NOS1AP: variants seen among roughly 807,000 people sequenced by gnomAD.
NOS1AP encodes the protein nitric oxide synthase 1 adaptor protein, also known as carboxyl-terminal PDZ ligand of neuronal nitric oxide synthase protein.
Under a neutral mutation model 56.2 loss-of-function variants are expected in NOS1AP, and 21 were observed. The ratio of observed to expected loss-of-function variants is 0.37; its 90% CI spans 0.26 to 0.54. The LOEUF (loss-of-function observed/expected upper bound fraction) is 0.54, where lower values mean the gene tolerates loss of function less well. NOS1AP is among the 20% of genes least tolerant of loss of function. The pLI, the probability that NOS1AP is intolerant of heterozygous loss-of-function variation, is 0.84. For synonymous variants in NOS1AP, 270 were observed against 274.6 expected, an observed-to-expected ratio of 0.98 and a Z score of 0.17; for missense variants, 522 against 657.8, an observed-to-expected ratio of 0.79 and a Z score of 2.26.
intron 1 of NOS1AP, among the ~76,000 whole-genome samples, chr1:162,128,616 G>A (rs1396476477): frequency 6.6e-6 from 1 of 151,978 alleles, no homozygotes; most frequent in Non-Finnish European, 1.5e-5. Flanking sequence ...AAGTGTATTT[G>A]TAATCTTCTT....
intron 2 of NOS1AP, among the ~76,000 whole-genome samples, chr1:162,265,551 C>A (rs1654396300): frequency 2.3e-5 from 1 of 42,874 alleles, no homozygotes; most frequent in African/African-American, 7.4e-5. Flanking sequence ...CTACAAAGGA[C>A]ATGAACTCAT....
intron 5 of NOS1AP, among the ~76,000 whole-genome samples, chr1:162,335,978 A>T (rs572350727): frequency 6.6e-6 from 1 of 152,204 alleles, no homozygotes; most frequent in South Asian, 2.1e-4. Context: ...ACAGATAGCC[A>T]GTGTGGCTCC....
intron 3 of NOS1AP, among the ~76,000 whole-genome samples, chr1:162,287,700 CT>C (rs1375389786): frequency 1.3e-5 from 2 of 152,064 alleles, no homozygotes; most frequent in African/African-American, 2.4e-5. Flanking sequence ...TTCAACCCCC[CT>C]CCCCATTTTC....
chr1:162,235,596 C>A (rs902370034), intron 2 of NOS1AP, among the ~76,000 whole-genome samples: 4 of 152,108 alleles, frequency 2.6e-5, no homozygotes, highest in African/African-American at 7.2e-5. Context: ...ATGGGGAGAT[C>A]AAAGCTTCAG....
chr1:162,302,047 G>C (rs1006979319), intron 4 of NOS1AP, among the ~76,000 whole-genome samples: 2 of 152,224 alleles, frequency 1.3e-5, no homozygotes, highest in African/African-American at 4.8e-5. Flanking sequence ...GTGGGAAATG[G>C]ACAAGTTACT....
At chr1:162,327,066 T>C (rs1223397290) in intron 4 of NOS1AP, among the ~76,000 whole-genome samples, 9 of 152,112 alleles carry the variant, frequency 5.9e-5, no homozygotes, top group Non-Finnish European at 1.3e-4. Context: ...CTGAGAGAAC[T>C]GAAACCCTGA....
intron 8 of NOS1AP, among the ~76,000 whole-genome samples, chr1:162,361,445 G>A (rs1374563961): frequency 1.3e-5 from 2 of 152,168 alleles, no homozygotes; most frequent in African/African-American, 4.8e-5. Context: ...ATAAAATGCT[G>A]CACCTCAAAG....
chr1:162,192,558 CAGAA>C (rs1228368663), intron 2 of NOS1AP, among the ~76,000 whole-genome samples: 1 of 152,190 alleles, frequency 6.6e-6, no homozygotes. Flanking sequence ...TTTACCACCA[CAGAA>C]AGGCTGTTGC....
At chr1:162,332,651 C>T (rs142904649) in intron 4 of NOS1AP, among the ~76,000 whole-genome samples, 22 of 152,262 alleles carry the variant, frequency 1.4e-4, no homozygotes, top group Non-Finnish European at 2.6e-4. Flanking sequence ...CATCAGAAAA[C>T]GTGTATGCAT....
At chr1:162,330,563 A>C (rs1483281938) in intron 4 of NOS1AP, among the ~76,000 whole-genome samples, 1 of 151,920 alleles carries the variant, frequency 6.6e-6, no homozygotes, top group Non-Finnish European at 1.5e-5. Context: ...GTAGGTCAGG[A>C]CTCTGGAGAG....
chr1:162,261,546 GC>G lies in NOS1AP; in HGVS notation c.178-25797del, dbSNP rs1654239668. 1.7e-4 allele frequency among the ~76,000 whole-genome samples: 9 copies of G among 53,648 alleles called. 2 individuals are homozygous for G. Among genetic ancestry groups the G allele is most frequent in the East Asian group, 3.0e-4 (1 of 3,306 alleles). The allele number at this position is 53,648 out of a possible 152,430, so 35.2% of individuals were successfully genotyped here. A position where few individuals can be genotyped will look rare whatever the true frequency, so the allele number is the denominator to read the frequency against. ...AGAGAGAGAGAGAGAGAGAGAGAGA[GC>G]AATGAAATGACTGGAACAGAGGAAA... On this transcript the variant is annotated intron_variant, in intron 2 of 9. Coordinates refer to ENST00000361897, the MANE Select transcript of NOS1AP (RefSeq NM_014697.3).
At chr1:162,082,004 G>A (rs913588504) in intron 1 of NOS1AP, among the ~76,000 whole-genome samples, 4 of 151,494 alleles carry the variant, frequency 2.6e-5, no homozygotes, top group Admixed American at 6.6e-5. Flanking sequence ...TTGAGTCATG[G>A]GGGTTTGTTG....
intron 2 of NOS1AP, among the ~76,000 whole-genome samples, chr1:162,229,955 G>A (rs533139746): frequency 1.3e-5 from 2 of 152,148 alleles, no homozygotes; most frequent in Non-Finnish European, 2.9e-5. Flanking sequence ...TAATTTGAAT[G>A]GAAAATCTAG....
At position 162,115,402 on chromosome 1, in the gene NOS1AP, T is replaced by C. The variant is rs1290547303; in HGVS notation, c.106-39003T>C. Reference sequence around the variant, plus strand: ...CTTTGAGCCTCAGGTGCTCTGTTTTTTTTTTTTTAAAGAAGGTAAGAATCT... The same window carrying C: ...CTTTGAGCCTCAGGTGCTCTGTTTTCTTTTTTTTAAAGAAGGTAAGAATCT... On this transcript the variant is annotated intron_variant, in intron 1 of 9. Transcript: ENST00000361897. Among the ~76,000 whole-genome samples, 7 of 152,134 alleles carry C rather than the reference T, an allele frequency of 4.6e-5. 1 individual carries two copies.
chr1:162,324,279 T>A (rs1656510689), intron 4 of NOS1AP, among the ~76,000 whole-genome samples: 1 of 152,150 alleles, frequency 6.6e-6, no homozygotes, highest in African/African-American at 2.4e-5. Context: ...ATTGGCAGCC[T>A]GTGTAAATAG....
chr1:162,131,372 A>G lies in NOS1AP; in HGVS notation c.106-23033A>G, dbSNP rs138453937. ...ATATAATAAAGACCCTAATATCTCT[A>G]TGCTCCCCTTTCTGCCCTATTGTGG... On this transcript the variant is annotated intron_variant, in intron 1 of 9. Coordinates refer to ENST00000361897, the MANE Select transcript of NOS1AP (RefSeq NM_014697.3). Among the ~76,000 whole-genome samples, 554 of 151,336 alleles carry G rather than the reference A, an allele frequency of 3.7e-3. 7 individuals are homozygous for G. Among genetic ancestry groups the G allele is most frequent in the African/African-American group, 0.013 (521 of 41,338 alleles).
intron 6 of NOS1AP, 51 bp from the exon 7 acceptor site, chr1:162,355,136 T>G: frequency 6.2e-7 from 1 of 1,602,740 alleles, no homozygotes; most frequent in Non-Finnish European, 8.5e-7. Context: ...AAGGAGGACT[T>G]TGTTCTCGGT....
At chr1:162,289,842 A>G (rs774444960) in intron 3 of NOS1AP, among the ~76,000 whole-genome samples, 1 of 152,164 alleles carries the variant, frequency 6.6e-6, no homozygotes, top group Non-Finnish European at 1.5e-5. Flanking sequence ...CCTTTCAGGT[A>G]TCTTCATACA....
intron 4 of NOS1AP, among the ~76,000 whole-genome samples, chr1:162,329,454 A>C (rs963828042): frequency 6.6e-6 from 1 of 152,214 alleles, no homozygotes; most frequent in Non-Finnish European, 1.5e-5. Context: ...ACATTATATG[A>C]ACTACTTTGG....
Sources: gnomAD v4.1 joint callset for allele counts (sites outside exome capture counted in the v4.1 genomes callset) on GRCh38, gnomAD v4.1.1 for gene constraint, MANE v1.5 for transcripts, NCBI Gene and HGNC (gene_info 2026-07-23, HGNC 2026-07-21) for gene names.